NCKAP5: variants seen among roughly 807,000 people sequenced by gnomAD.
NCKAP5 encodes the protein nck-associated protein 5.
A neutral mutation model predicts 167.0 loss-of-function variants in NCKAP5; 92 were observed. The ratio of observed to expected loss-of-function variants is 0.55; its 90% CI spans 0.47 to 0.66. The LOEUF is 0.66. Among genes scored for constraint, NCKAP5 ranks in the 30% least tolerant of loss-of-function variants. NCKAP5 has a pLI of 0.00. For synonymous variants in NCKAP5, 891 were observed against 877.4 expected, an observed-to-expected ratio of 1.02 and a Z score of -0.27; for missense variants, 2,378 against 2,315.0, an observed-to-expected ratio of 1.03 and a Z score of -0.56.
intron 3 of NCKAP5, among the ~76,000 whole-genome samples, chr2:133,340,440 T>A (rs532094096): frequency 6.6e-6 from 1 of 152,292 alleles, no homozygotes; most frequent in South Asian, 2.1e-4. Flanking sequence ...CTTCTTTTCT[T>A]CCTCCTCTCT....
the NCKAP5 span, among the ~76,000 whole-genome samples, chr2:133,647,718 AAGGAAGGAAGG>A: frequency 7.4e-6 from 1 of 134,242 alleles, no homozygotes; most frequent in African/African-American, 2.8e-5. Context: ...AAAAGAAAGG[AAGGAAGGAAGG>A]AAGGAAGGAA....
At chr2:133,291,254 C>T (rs1186544654) in intron 4 of NCKAP5, among the ~76,000 whole-genome samples, 1 of 152,146 alleles carries the variant, frequency 6.6e-6, no homozygotes, top group Non-Finnish European at 1.5e-5. Flanking sequence ...AGATGTGAAA[C>T]ATACAAAACA....
chr2:133,636,892 A>T, the NCKAP5 span, among the ~76,000 whole-genome samples: 1 of 152,064 alleles, frequency 6.6e-6, no homozygotes, highest in Non-Finnish European at 1.5e-5. Context: ...TAGAAAAAAA[A>T]TTTCATCTGC....
At chr2:132,760,846 T>C (rs1465904560) in intron 16 of NCKAP5, among the ~76,000 whole-genome samples, 1 of 152,148 alleles carries the variant, frequency 6.6e-6, no homozygotes, top group African/African-American at 2.4e-5. Context: ...TCTTAGAAAA[T>C]ACTAACCTTC....
In NCKAP5 at chr2:132,800,827, T is replaced by C. The variant is rs186940681; in HGVS notation, c.808-4098A>G. 8.3e-3 allele frequency among the ~76,000 whole-genome samples: 1,259 copies of C among 152,288 alleles called. 13 individuals are homozygous for C. The highest frequency in any genetic ancestry group is 0.015 in the Non-Finnish European group (999 of 68,028). ...CTTACTGAGTTGTTCTCTGTGTAGG[T>C]TCTATCTTCCTAACAGGACAATCAA... On this transcript the variant is annotated intron_variant, in intron 11 of 19. Coordinates refer to ENST00000409261, the MANE Select transcript of NCKAP5 (RefSeq NM_207363.3).
At chr2:132,804,572 A>C (rs546921831) in intron 11 of NCKAP5, among the ~76,000 whole-genome samples, 57 of 152,268 alleles carry the variant, frequency 3.7e-4, no homozygotes, top group Middle Eastern at 3.4e-3. Context: ...AGAAAAAAAA[A>C]CCCAAAACTT....
chr2:133,655,818 T>C, the NCKAP5 span, among the ~76,000 whole-genome samples: 1 of 152,186 alleles, frequency 6.6e-6, no homozygotes, highest in Non-Finnish European at 1.5e-5. Flanking sequence ...ATAGTTCTAA[T>C]GGGCAGCTGA....
chr2:133,582,263 T>C, the NCKAP5 span, among the ~76,000 whole-genome samples: 1 of 152,290 alleles, frequency 6.6e-6, no homozygotes, highest in Non-Finnish European at 1.5e-5. Context: ...ACCTACTGCA[T>C]CAGGGACTCT....
At chr2:133,611,717 C>T in the NCKAP5 span, among the ~76,000 whole-genome samples, 2 of 152,160 alleles carry the variant, frequency 1.3e-5, no homozygotes, top group Admixed American at 6.5e-5. Flanking sequence ...CTCCCACAGG[C>T]CATTGGAAGT....
intron 19 of NCKAP5, 78 bp downstream of exon 19, chr2:132,725,549 C>A: frequency 6.8e-7 from 1 of 1,471,844 alleles, no homozygotes; most frequent in Non-Finnish European, 9.0e-7. Context: ...AGGGTGGGGG[C>A]CGAGCACAGT....
chr2:133,490,181 G>A (rs566468004), intron 3 of NCKAP5, among the ~76,000 whole-genome samples: 4 of 152,222 alleles, frequency 2.6e-5, no homozygotes, highest in East Asian at 1.9e-4. Flanking sequence ...CAGCATCAAC[G>A]GCTATAACCC....
At chr2:133,158,796 C>T (rs1490337732) in intron 5 of NCKAP5, among the ~76,000 whole-genome samples, 1 of 151,986 alleles carries the variant, frequency 6.6e-6, no homozygotes, top group African/African-American at 2.4e-5. Flanking sequence ...TCATTGATTA[C>T]CCATCATTCA....
chr2:133,650,873 C>T, the NCKAP5 span, among the ~76,000 whole-genome samples: 1 of 152,132 alleles, frequency 6.6e-6, no homozygotes, highest in Non-Finnish European at 1.5e-5. Context: ...GAGAGCAAGA[C>T]TCTGTCTTAA....
At chr2:132,753,510 T>C (rs372434630) in intron 16 of NCKAP5, among the ~76,000 whole-genome samples, 17 of 152,300 alleles carry the variant, frequency 1.1e-4, no homozygotes, top group African/African-American at 4.1e-4. Context: ...AAGTAGCTTG[T>C]CTAGGGTCAT....
At chr2:133,356,905 A>G (rs1211061957) in intron 3 of NCKAP5, among the ~76,000 whole-genome samples, 1 of 152,234 alleles carries the variant, frequency 6.6e-6, no homozygotes, top group East Asian at 1.9e-4. Flanking sequence ...CCTTTACAAC[A>G]TTCCTTCTCG....
chr2:132,705,672 GA>G (rs112430751), intron 19 of NCKAP5, among the ~76,000 whole-genome samples: 26 of 149,736 alleles, frequency 1.7e-4, no homozygotes, highest in African/African-American at 2.9e-4. Flanking sequence ...GGGAGAAAAT[GA>G]AAAAAAAATA....
chr2:132,702,582 C>G (rs987180828), intron 19 of NCKAP5, among the ~76,000 whole-genome samples: 1 of 152,082 alleles, frequency 6.6e-6, no homozygotes, highest in African/African-American at 2.4e-5. Context: ...TCCAAACAGC[C>G]CCCAAGGCTC....
chr2:133,331,628 C>G (rs1016393990), intron 3 of NCKAP5, among the ~76,000 whole-genome samples: 1 of 152,160 alleles, frequency 6.6e-6, no homozygotes, highest in South Asian at 2.1e-4. Context: ...TACTACTTTT[C>G]CACTTAAGGG....
chr2:133,110,015 A>G (rs1338648647), intron 6 of NCKAP5, among the ~76,000 whole-genome samples: 2 of 152,216 alleles, frequency 1.3e-5, no homozygotes, highest in Non-Finnish European at 2.9e-5. Context: ...AAGAAATGCA[A>G]TCAAAGAGCA....
Sources: allele counts gnomAD v4.1 joint callset (sites outside exome capture counted in the v4.1 genomes callset), GRCh38; gene constraint gnomAD v4.1.1; transcripts MANE v1.5; gene names NCBI Gene and HGNC (gene_info 2026-07-23, HGNC 2026-07-21).